SKIC3: variants seen among roughly 807,000 people sequenced by gnomAD.
SKIC3 encodes the protein superkiller complex protein 3.
chr5:95,487,819 A>G, the SKIC3 span, among the ~76,000 whole-genome samples: 1 of 152,212 alleles, frequency 6.6e-6, no homozygotes, highest in African/African-American at 2.4e-5. Flanking sequence ...TAATAATTCT[A>G]CAGCAACAGA....
At chr5:95,469,655 A>AC in the SKIC3 span, 3 of 1,293,296 alleles carry the variant, frequency 2.3e-6, no homozygotes, top group Non-Finnish European at 3.3e-6. Flanking sequence ...ATATATAAAT[A>AC]CCCCCCAAAG....
chr5:95,469,038 T>C, the SKIC3 span, among the ~76,000 whole-genome samples: 1 of 152,172 alleles, frequency 6.6e-6, no homozygotes, highest in Non-Finnish European at 1.5e-5. Flanking sequence ...TGATGTGTCT[T>C]TTGCTACATA....
At chr5:95,505,590 A>G in the SKIC3 span, among the ~76,000 whole-genome samples, 4 of 152,030 alleles carry the variant, frequency 2.6e-5, no homozygotes, top group Non-Finnish European at 4.4e-5. Context: ...AAGGCGGGCG[A>G]ATCACGAGGT....
At chr5:95,501,972 G>GA in the SKIC3 span, among the ~76,000 whole-genome samples, 3 of 152,100 alleles carry the variant, frequency 2.0e-5, no homozygotes, top group South Asian at 6.2e-4. Context: ...CAAAGAGGAA[G>GA]AAAAAAATTG....
the SKIC3 span, chr5:95,467,812 A>G: frequency 6.2e-7 from 1 of 1,607,996 alleles, no homozygotes; most frequent in East Asian, 2.2e-5. Flanking sequence ...CAAAGATAAA[A>G]CATTTTAAAT....
At chr5:95,517,294 A>T in the SKIC3 span, 1 of 1,613,308 alleles carries the variant, frequency 6.2e-7, no homozygotes. Flanking sequence ...TTCCAGAGGC[A>T]GGACACATCA....
At chr5:95,525,425 T>C in the SKIC3 span, 6 of 1,614,006 alleles carry the variant, frequency 3.7e-6, no homozygotes, top group Non-Finnish European at 5.1e-6. Flanking sequence ...ATAGTCCTTT[T>C]TGGTGAAATG....
the SKIC3 span, among the ~76,000 whole-genome samples, chr5:95,514,650 A>G: frequency 6.6e-6 from 1 of 152,198 alleles, no homozygotes; most frequent in African/African-American, 2.4e-5. Flanking sequence ...TTCCACAACT[A>G]TAAAGAGAGT....
chr5:95,487,674 T>C, the SKIC3 span, among the ~76,000 whole-genome samples: 1 of 152,138 alleles, frequency 6.6e-6, no homozygotes, highest in Non-Finnish European at 1.5e-5. Flanking sequence ...CATGGATACA[T>C]CTTCAGGAAA....
the SKIC3 span, among the ~76,000 whole-genome samples, chr5:95,491,773 G>A: frequency 6.6e-6 from 1 of 152,102 alleles, no homozygotes; most frequent in Non-Finnish European, 1.5e-5. Context: ...CATTTGTTTG[G>A]TCATTTATTT....
chr5:95,469,655 AC>A, the SKIC3 span: 18 of 1,293,180 alleles, frequency 1.4e-5, no homozygotes, highest in South Asian at 1.2e-5. Flanking sequence ...ATATATAAAT[AC>A]CCCCCAAAGT....
the SKIC3 span, chr5:95,517,049 C>T: frequency 8.7e-5 from 141 of 1,613,578 alleles, no homozygotes; most frequent in African/African-American, 5.6e-4. Context: ...TTTTAATGCA[C>T]GACCATAACA....
the SKIC3 span, chr5:95,516,604 T>C: frequency 6.2e-7 from 1 of 1,613,260 alleles, no homozygotes. Flanking sequence ...ATACAAAACC[T>C]GATGAAACTG....
At chr5:95,524,151 A>G in the SKIC3 span, among the ~76,000 whole-genome samples, 1 of 152,206 alleles carries the variant, frequency 6.6e-6, no homozygotes, top group Non-Finnish European at 1.5e-5. Context: ...TTAAACATCT[A>G]AAAAAACAGG....
At chr5:95,487,795 C>T in the SKIC3 span, among the ~76,000 whole-genome samples, 1 of 152,180 alleles carries the variant, frequency 6.6e-6, no homozygotes, top group South Asian at 2.1e-4. Flanking sequence ...AAATATGACA[C>T]TTCCAAAGGA....
the SKIC3 span, among the ~76,000 whole-genome samples, chr5:95,471,792 T>A: frequency 6.6e-6 from 1 of 152,192 alleles, no homozygotes; most frequent in Middle Eastern, 3.2e-3. Context: ...TTGACAGATA[T>A]TTAAAGCTCT....
the SKIC3 span, chr5:95,524,540 T>C: frequency 6.2e-7 from 1 of 1,613,848 alleles, no homozygotes; most frequent in African/African-American, 1.3e-5. Flanking sequence ...TTAATCCAAG[T>C]TGGTAATGAT....
chr5:95,546,352 C>CAAAA, the SKIC3 span, among the ~76,000 whole-genome samples: 1 of 136,520 alleles, frequency 7.3e-6, no homozygotes, highest in African/African-American at 2.7e-5. Context: ...AAAAAAAAAA[C>CAAAA]AAAAAAAAAA....
At chr5:95,484,544 G>T in the SKIC3 span, among the ~76,000 whole-genome samples, 1 of 151,666 alleles carries the variant, frequency 6.6e-6, no homozygotes, top group Non-Finnish European at 1.5e-5. Flanking sequence ...ACAGCCTCTC[G>T]CTATGTTGCC....
Sources: allele counts gnomAD v4.1 joint callset (sites outside exome capture counted in the v4.1 genomes callset), GRCh38; gene constraint gnomAD v4.1.1; transcripts MANE v1.5; gene names NCBI Gene and HGNC (gene_info 2026-07-23, HGNC 2026-07-21).